The following ACMSD variants were observed in gnomAD, a reference collection of about 807,000 sequenced individuals.
The protein encoded by ACMSD is 2-amino-3-carboxymuconate-6-semialdehyde decarboxylase.
ACMSD carries 37 observed loss-of-function variants against 45.9 expected under a neutral mutation model. The observed-to-expected ratio is 0.81, with a 90% CI of 0.62 to 1.06. The LOEUF (loss-of-function observed/expected upper bound fraction) is 1.06, where lower values mean the gene tolerates loss of function less well. Among genes scored for constraint, ACMSD ranks in the 50% least tolerant of loss-of-function variants. The pLI is 0.00. For missense variants in ACMSD, 434 were observed against 420.9 expected, an observed-to-expected ratio of 1.03 and a Z score of -0.27; for synonymous variants, 138 against 148.8, an observed-to-expected ratio of 0.93 and a Z score of 0.53.
chr2:134,845,637 T>C (rs1687022574), intron 2 of ACMSD, among the ~76,000 whole-genome samples: 1 of 150,764 alleles, frequency 6.6e-6, no homozygotes, highest in Admixed American at 6.6e-5. Flanking sequence ...TACAGGTTAT[T>C]ACAGTATATT....
At chr2:134,892,444 GTTTCTATTGCTGT>G (rs1689846100) in intron 8 of ACMSD, among the ~76,000 whole-genome samples, 1 of 149,964 alleles carries the variant, frequency 6.7e-6, no homozygotes, top group Non-Finnish European at 1.5e-5. Flanking sequence ...GAAGTCTTAG[GTTTCTATTGCTGT>G]GGAAAAAATA....
intron 8 of ACMSD, among the ~76,000 whole-genome samples, chr2:134,886,254 T>A (rs975587898): frequency 2.0e-4 from 28 of 137,890 alleles, no homozygotes; most frequent in African/African-American, 7.2e-4. Context: ...TTATTTTTTT[T>A]TTTTTTTTTT....
At chr2:134,863,776 T>C in intron 5 of ACMSD, 145 bp downstream of exon 5, 1 of 813,382 alleles carries the variant, frequency 1.2e-6, no homozygotes, top group Admixed American at 2.4e-5. Context: ...AGGTAGAAGG[T>C]GTGGAAATAG....
At chr2:134,864,353 T>A (rs896965853) in intron 5 of ACMSD, among the ~76,000 whole-genome samples, 3 of 150,990 alleles carry the variant, frequency 2.0e-5, no homozygotes, top group African/African-American at 4.9e-5. Context: ...TTATCGAAAA[T>A]ACAGAAAAGT....
intron 8 of ACMSD, among the ~76,000 whole-genome samples, chr2:134,883,904 A>G (rs114175210): frequency 0.019 from 2,849 of 152,304 alleles, 94 homozygotes; most frequent in African/African-American, 0.065. Context: ...ATACTCTTGA[A>G]GAATCTCTTC....
chr2:134,862,090 G>A, intron 4 of ACMSD, 72 bp downstream of exon 4: 2 of 1,564,184 alleles, frequency 1.3e-6, no homozygotes, highest in South Asian at 1.1e-5. Context: ...GTGAACAGAT[G>A]CCTCAAGTTT....
intron 1 of ACMSD, 46 bp downstream of exon 1, chr2:134,838,785 G>A: frequency 2.8e-6 from 4 of 1,432,902 alleles, no homozygotes; most frequent in Non-Finnish European, 3.9e-6. Context: ...CTTCTCCAGG[G>A]TTTCTCAATG....
At chr2:134,871,871 C>T (rs967575522) in intron 7 of ACMSD, among the ~76,000 whole-genome samples, 8 of 151,970 alleles carry the variant, frequency 5.3e-5, no homozygotes, top group African/African-American at 1.7e-4. Context: ...AGATAGCCCC[C>T]GACTGATAGG....
At chr2:134,881,534 C>T (rs1689040216) in intron 8 of ACMSD, among the ~76,000 whole-genome samples, 1 of 152,134 alleles carries the variant, frequency 6.6e-6, no homozygotes, top group Non-Finnish European at 1.5e-5. Context: ...CCTTCTGTAC[C>T]TCTACATCTT....
intron 9 of ACMSD, among the ~76,000 whole-genome samples, chr2:134,899,711 G>T (rs570503874): frequency 1.3e-5 from 2 of 152,016 alleles, no homozygotes; most frequent in Non-Finnish European, 2.9e-5. Context: ...CTGTACAAGG[G>T]TACTCATTGT....
chr2:134,852,042 G>T (rs1365782690), intron 2 of ACMSD, among the ~76,000 whole-genome samples: 2 of 152,194 alleles, frequency 1.3e-5, no homozygotes, highest in African/African-American at 4.8e-5. Flanking sequence ...AAAGCTGGAT[G>T]AATCGGGTTC....
At chr2:134,874,139 A>T (rs928332865) in intron 8 of ACMSD, among the ~76,000 whole-genome samples, 5 of 152,200 alleles carry the variant, frequency 3.3e-5, no homozygotes, top group African/African-American at 1.2e-4. Flanking sequence ...CAAATGCTTC[A>T]TGTTAACCAG....
intron 6 of ACMSD, among the ~76,000 whole-genome samples, chr2:134,868,238 T>C (rs1258818952): frequency 6.6e-6 from 1 of 152,182 alleles, no homozygotes; most frequent in Admixed American, 6.5e-5. Flanking sequence ...TATCTGCTCC[T>C]CTCTTCTGCC....
rs1158208977 is a variant in ACMSD, at chr2:134,901,996, CATA to C, written c.*141_*143del. 6.1e-6 allele frequency: 3 copies of C among 495,786 alleles called. No individual in the cohort carries two copies. The highest frequency in any genetic ancestry group is 2.0e-5 in the African/African-American group (1 of 50,592). 30.7% of individuals were successfully genotyped at this position (495,786 alleles called of 1,614,324 possible). A position where few individuals can be genotyped will look rare whatever the true frequency, so the allele number is the denominator to read the frequency against. ...AATGTCCCAAATATCCTAAATTATT[CATA>C]ATAAAAATGATTTGTAAGTGTTTTC... On this transcript the variant is annotated 3_prime_UTR_variant, in exon 10 of 10. Coordinates refer to ENST00000356140, the MANE Select transcript of ACMSD (RefSeq NM_138326.3).
intron 2 of ACMSD, among the ~76,000 whole-genome samples, chr2:134,848,222 T>C (rs1304342085): frequency 3.9e-5 from 6 of 152,224 alleles, no homozygotes; most frequent in African/African-American, 1.2e-4. Flanking sequence ...CTATTGTGAA[T>C]AGTGCTGCAG....
rs1330005196 is a variant in ACMSD at position 134,838,724 on chromosome 2, G to C, written c.42G>C (p.Trp14Cys). 1 of 1,611,056 alleles carries C rather than the reference G, an allele frequency of 6.2e-7. No homozygotes were observed. Among genetic ancestry groups the C allele is most frequent in the Non-Finnish European group, 8.5e-7 (1 of 1,177,880 alleles). ...ATAGTCATATTCTACCAAAAGAATG[G>C]CCAGATCTAAAAAAGGTAATGGTAA... is the stretch of plus-strand genomic sequence containing the variant. ...DIHSHILPKE[W>C]PDLKKRFGYG... Residue 14 changes from tryptophan to cysteine, a missense_variant, in exon 1 of 10, where the codon TGG becomes TGC. By Grantham distance (215) the Trp-to-Cys change is radical. Transcript: ENST00000356140.
Position 134,890,330 on chromosome 2 carries a change from A to C in ACMSD, c.850-8011A>C, listed in dbSNP as rs562534877. On this transcript the variant is annotated intron_variant, in intron 8 of 9. Transcript: ENST00000356140. The stretch of plus-strand genomic sequence containing the variant: ...ACAATCACGAGGAAACATCAGACAA[A>C]CACAAACTGAGGACATTCTATAAAA... Among the ~76,000 whole-genome samples, 16 of 152,186 alleles carry C rather than the reference A, an allele frequency of 1.1e-4. No individual in the cohort carries two copies. In the South Asian group the frequency reaches 3.3e-3, roughly 32 times the overall value.
At chr2:134,869,080 C>T (rs1483752414) in intron 6 of ACMSD, 2 of 152,206 alleles carry the variant, frequency 1.3e-5, no homozygotes, top group Non-Finnish European at 2.9e-5. Flanking sequence ...AGGCTTCCTA[C>T]TCATCCCCTA....
intron 9 of ACMSD, 71 bp from the exon 10 acceptor site, chr2:134,901,727 G>T: frequency 3.5e-6 from 4 of 1,127,872 alleles, no homozygotes; most frequent in Non-Finnish European, 5.0e-6. Context: ...TTTTAAACCT[G>T]ATCAATGTAG....
Sources: gnomAD v4.1 joint callset for allele counts (sites outside exome capture counted in the v4.1 genomes callset) on GRCh38, gnomAD v4.1.1 for gene constraint, MANE v1.5 for transcripts, NCBI Gene and HGNC (gene_info 2026-07-23, HGNC 2026-07-21) for gene names.